DIP2C: variants seen among roughly 807,000 people sequenced by gnomAD.
The protein encoded by DIP2C is disco-interacting protein 2 homolog C.
In DIP2C, 33 loss-of-function variants were observed where a neutral mutation model predicts 192.4. The ratio of observed to expected loss-of-function variants is 0.17; its 90% CI spans 0.13 to 0.23. DIP2C has a LOEUF of 0.23. Among genes scored for constraint, DIP2C ranks in the 10% least tolerant of loss-of-function variants. DIP2C has a pLI of 1.00. For synonymous variants in DIP2C, 979 were observed against 864.1 expected (o/e 1.13, Z -2.33); for missense variants, 1,537 against 2,110.1 (o/e 0.73, Z 5.32).
chr10:361,469 G>A (rs1312879002), intron 22 of DIP2C, among the ~76,000 whole-genome samples: 2 of 152,152 alleles, frequency 1.3e-5, no homozygotes, highest in Non-Finnish European at 2.9e-5. Flanking sequence ...CTGTAGCTAT[G>A]GAGTCATTAC....
At chr10:450,691 C>T (rs534229753) in intron 3 of DIP2C, among the ~76,000 whole-genome samples, 6 of 152,188 alleles carry the variant, frequency 3.9e-5, no homozygotes, top group South Asian at 2.1e-4. Flanking sequence ...CCCAGGGTGA[C>T]GACAGGCCAA....
intron 1 of DIP2C, among the ~76,000 whole-genome samples, chr10:620,416 A>T (rs1442384759): frequency 6.6e-6 from 1 of 152,182 alleles, no homozygotes; most frequent in Non-Finnish European, 1.5e-5. Context: ...AGAAAACGGC[A>T]CACGGAGAGG....
intron 1 of DIP2C, among the ~76,000 whole-genome samples, chr10:549,345 T>TTGC (rs1848471245): frequency 6.6e-6 from 1 of 152,120 alleles, no homozygotes; most frequent in African/African-American, 2.4e-5. Flanking sequence ...AGACAGTCCA[T>TTGC]TGCTCTAAGA....
chr10:326,485 C>G (rs1046103227), intron 31 of DIP2C, among the ~76,000 whole-genome samples: 1 of 152,164 alleles, frequency 6.6e-6, no homozygotes, highest in East Asian at 1.9e-4. Flanking sequence ...GAAGGAAATC[C>G]GCAGCTCTGC....
intron 1 of DIP2C, among the ~76,000 whole-genome samples, chr10:495,942 T>C (rs1243696085): frequency 6.7e-6 from 1 of 148,476 alleles, no homozygotes; most frequent in Non-Finnish European, 1.5e-5. Flanking sequence ...GAACCCACGG[T>C]GCCTTCCCGT....
intron 3 of DIP2C, among the ~76,000 whole-genome samples, chr10:465,000 C>A (rs940823142): frequency 6.6e-6 from 1 of 150,574 alleles, no homozygotes; most frequent in Non-Finnish European, 1.5e-5. Flanking sequence ...CTATTCCAAT[C>A]AATAGAAAAA....
chr10:283,657 A>T (rs139458807), intron 34 of DIP2C, among the ~76,000 whole-genome samples: 49 of 152,352 alleles, frequency 3.2e-4, no homozygotes, highest in African/African-American at 1.1e-3. Flanking sequence ...GTTTGTGGCC[A>T]AGCAACCAGC....
At chr10:452,451 A>C (rs1360807666) in intron 3 of DIP2C, among the ~76,000 whole-genome samples, 1 of 152,176 alleles carries the variant, frequency 6.6e-6, no homozygotes, top group Non-Finnish European at 1.5e-5. Context: ...ACGCAGTGTA[A>C]TTATGAGTGA....
intron 1 of DIP2C, among the ~76,000 whole-genome samples, chr10:495,541 C>T (rs970089908): frequency 6.6e-6 from 1 of 151,246 alleles, no homozygotes; most frequent in Non-Finnish European, 1.5e-5. Flanking sequence ...GGAAAAAATT[C>T]TGTTTCTTCT....
chr10:477,487 T>G (rs1195452625), intron 2 of DIP2C, among the ~76,000 whole-genome samples: 1 of 2,336 alleles, frequency 4.3e-4, no homozygotes, highest in African/African-American at 1.1e-3. Flanking sequence ...GGAAGGTGGA[T>G]GGGTGGGAGG....
intron 1 of DIP2C, chr10:630,232 C>A (rs996059084): frequency 3.3e-5 from 5 of 152,124 alleles, no homozygotes; most frequent in African/African-American, 1.2e-4. Context: ...GTCTGTTCTG[C>A]TCTTTTGGTT....
intron 10 of DIP2C, among the ~76,000 whole-genome samples, chr10:396,354 C>T (rs1387838416): frequency 6.6e-6 from 1 of 152,158 alleles, no homozygotes; most frequent in Admixed American, 6.5e-5. Context: ...AACCACCTCC[C>T]CCCTTTATCC....
At chr10:668,287 T>C (rs1390657191) in intron 1 of DIP2C, 1 of 150,566 alleles carries the variant, frequency 6.6e-6, no homozygotes, top group African/African-American at 2.5e-5. Flanking sequence ...ATACAACATA[T>C]AACACATACA....
chr10:330,258 A>G (rs1957442765), intron 29 of DIP2C, among the ~76,000 whole-genome samples: 1 of 152,236 alleles, frequency 6.6e-6, no homozygotes, highest in Non-Finnish European at 1.5e-5. Flanking sequence ...GATCCCAACG[A>G]ATTACCAAAC....
intron 29 of DIP2C, among the ~76,000 whole-genome samples, chr10:338,021 T>G (rs894979918): frequency 1.3e-5 from 2 of 152,144 alleles, no homozygotes; most frequent in Non-Finnish European, 2.9e-5. Context: ...TGTGGAGGCC[T>G]AGGCTGATGT....
chr10:338,698 G>C (rs1024128539), intron 29 of DIP2C, among the ~76,000 whole-genome samples: 14 of 152,194 alleles, frequency 9.2e-5, no homozygotes, highest in Admixed American at 9.2e-4. Flanking sequence ...TCCCCACACG[G>C]AGCCGATCTC....
intron 4 of DIP2C, among the ~76,000 whole-genome samples, chr10:438,495 ATT>A (rs58338949): frequency 5.6e-4 from 82 of 147,286 alleles, no homozygotes; most frequent in African/African-American, 1.9e-3. Flanking sequence ...AGGATTAAGC[ATT>A]TTTTTTTTTT....
chr10:290,921 C>T (rs1309379796), intron 32 of DIP2C, among the ~76,000 whole-genome samples: 2 of 152,240 alleles, frequency 1.3e-5, no homozygotes, highest in South Asian at 2.1e-4. Context: ...TGGGAGCTGT[C>T]GCTACAGGGA....
chr10:556,732 C>G (rs1480035313), intron 1 of DIP2C, among the ~76,000 whole-genome samples: 1 of 152,138 alleles, frequency 6.6e-6, no homozygotes, highest in Non-Finnish European at 1.5e-5. Context: ...TCACCCCCAA[C>G]ACCTACCACA....
Sources: allele counts gnomAD v4.1 joint callset (sites outside exome capture counted in the v4.1 genomes callset), GRCh38; gene constraint gnomAD v4.1.1; transcripts MANE v1.5; gene names NCBI Gene and HGNC (gene_info 2026-07-23, HGNC 2026-07-21).